The following SESN1 variants were observed in gnomAD, a reference collection of about 807,000 sequenced individuals.
SESN1 encodes the protein sestrin 1.
Under a neutral mutation model 59.3 loss-of-function variants are expected in SESN1, and 30 were observed. The ratio of observed to expected loss-of-function variants is 0.51; its 90% CI spans 0.38 to 0.69. The LOEUF (loss-of-function observed/expected upper bound fraction) is 0.69. SESN1 is among the 30% of genes least tolerant of loss of function. SESN1 has a pLI of 0.00. For synonymous variants in SESN1, 197 were observed against 219.9 expected, an observed-to-expected ratio of 0.90 and a Z score of 0.92; for missense variants, 566 against 673.0, an observed-to-expected ratio of 0.84 and a Z score of 1.76.
intron 1 of SESN1, among the ~76,000 whole-genome samples, chr6:109,086,075 T>G (rs1186566467): frequency 6.6e-6 from 1 of 152,170 alleles, no homozygotes; most frequent in African/African-American, 2.4e-5. Context: ...AATCCTGTAT[T>G]AGGCCGGGCA....
intron 5 of SESN1, among the ~76,000 whole-genome samples, chr6:108,997,318 A>G (rs1016465063): frequency 6.6e-6 from 1 of 152,202 alleles, no homozygotes; most frequent in Non-Finnish European, 1.5e-5. Flanking sequence ...AAGGAGAAGA[A>G]TCCATCTCCT....
chr6:109,004,883 C>G (rs1779701566), intron 1 of SESN1, among the ~76,000 whole-genome samples: 2 of 152,258 alleles, frequency 1.3e-5, no homozygotes, highest in South Asian at 4.1e-4. Flanking sequence ...AAAGTTTGAT[C>G]ACAGGCTGTA....
At chr6:109,066,872 G>A (rs960816420) in intron 1 of SESN1, among the ~76,000 whole-genome samples, 1 of 141,222 alleles carries the variant, frequency 7.1e-6, no homozygotes, top group East Asian at 2.0e-4. Flanking sequence ...AAGACTTACA[G>A]TACAGCAAAC....
intron 1 of SESN1, among the ~76,000 whole-genome samples, chr6:109,026,984 A>G (rs1399509691): frequency 1.3e-5 from 2 of 152,058 alleles, no homozygotes; most frequent in Admixed American, 1.3e-4. Context: ...AGCCTGGCCA[A>G]CACAGTGAAA....
At chr6:109,022,411 C>CTTTTT (rs779366759) in intron 1 of SESN1, among the ~76,000 whole-genome samples, 6 of 65,878 alleles carry the variant, frequency 9.1e-5, no homozygotes, top group Non-Finnish European at 1.1e-4. Context: ...TGTTCTAAAG[C>CTTTTT]TTTTTTTTTT....
chr6:109,013,071 G>A (rs896543968), intron 1 of SESN1, among the ~76,000 whole-genome samples: 16 of 150,782 alleles, frequency 1.1e-4, no homozygotes, highest in Non-Finnish European at 2.1e-4. Context: ...AGCCAAGATC[G>A]CACCATTGCA....
In SESN1 at chr6:109,006,455, T is replaced by A. The variant is rs1231433546; in HGVS notation, c.280-4112A>T. 1.7e-4 allele frequency among the ~76,000 whole-genome samples: 9 copies of A among 52,902 alleles called. No individual in the cohort carries two copies. The East Asian group carries it at 2.1e-3, about 12-fold the overall frequency. 34.7% of individuals were successfully genotyped at this position (52,902 alleles called of 152,430 possible). ...TAATGCTATCCCTCCCCCCACCCCCTACCCCACGACAGGCCCCGGTGTGTG... is the reference window on the plus strand; with the variant it reads ...TAATGCTATCCCTCCCCCCACCCCCAACCCCACGACAGGCCCCGGTGTGTG... On this transcript the variant is annotated intron_variant, in intron 1 of 9. Transcript: ENST00000436639.
chr6:109,006,013 C>T (rs977564325), intron 1 of SESN1, among the ~76,000 whole-genome samples: 4 of 152,246 alleles, frequency 2.6e-5, no homozygotes, highest in Admixed American at 6.5e-5. Context: ...TTTCAGTTTT[C>T]GGCTTATTTC....
In SESN1 at chr6:109,022,100, T is replaced by G. The variant is rs374144904; in HGVS notation, c.280-19757A>C. Among the ~76,000 whole-genome samples, 28 of 152,256 alleles carry G rather than the reference T, an allele frequency of 1.8e-4. 2 individuals are homozygous for G. In the East Asian group the frequency reaches 2.5e-3, roughly 14 times the overall value. On this transcript the variant is annotated intron_variant, in intron 1 of 9. Transcript: ENST00000436639. The stretch of plus-strand genomic sequence containing the variant: ...ATTTTTTGAGAACAACATCCATATC[T>G]TCTTCCTTTCTCCTTTCTTCTTTTA...
intron 1 of SESN1, among the ~76,000 whole-genome samples, chr6:109,077,479 TCAGA>T (rs1781050434): frequency 6.6e-6 from 1 of 152,196 alleles, no homozygotes; most frequent in Admixed American, 6.5e-5. Context: ...AAATGAGACT[TCAGA>T]CAAAGTGCAC....
At chr6:109,004,872 A>G (rs1045958483) in intron 1 of SESN1, among the ~76,000 whole-genome samples, 5 of 152,254 alleles carry the variant, frequency 3.3e-5, no homozygotes, top group Non-Finnish European at 5.9e-5. Context: ...CTTAAGATCA[A>G]AAAGTTTGAT....
intron 8 of SESN1, among the ~76,000 whole-genome samples, chr6:108,989,564 GATCT>G (rs1562451729): frequency 5.8e-5 from 6 of 104,148 alleles, no homozygotes; most frequent in Non-Finnish European, 1.2e-4. Flanking sequence ...TAGATCTCTA[GATCT>G]AGAGATATCT....
chr6:109,069,908 A>T (rs2114464532), intron 1 of SESN1, among the ~76,000 whole-genome samples: 1 of 152,262 alleles, frequency 6.6e-6, no homozygotes, highest in African/African-American at 2.4e-5. Context: ...CTTAAAAAAC[A>T]TAGCAATGAA....
intron 4 of SESN1, 57 bp from the exon 5 acceptor site, chr6:108,998,812 C>T (rs1779555948): frequency 1.3e-6 from 2 of 1,521,598 alleles, no homozygotes; most frequent in African/African-American, 2.8e-5. Flanking sequence ...TAAAAGTATA[C>T]AGTTCATTTT....
intron 1 of SESN1, among the ~76,000 whole-genome samples, chr6:109,046,218 C>T (rs12332903): frequency 1.4e-5 from 2 of 146,204 alleles, no homozygotes; most frequent in African/African-American, 2.5e-5. Flanking sequence ...CTCAGCCTGC[C>T]GAGTGCCTGC....
At position 109,073,065 on chromosome 6, in the gene SESN1, A is replaced by C. The variant is rs78273657; in HGVS notation, c.279+20730T>G. Among the ~76,000 whole-genome samples the C allele has an allele frequency of 5.2e-3, 793 of 152,298 alleles. 6 individuals are homozygous for C. Among genetic ancestry groups the C allele is most frequent in the African/African-American group, 0.018 (740 of 41,560 alleles). ...AGTATAGTATTGAAATTAACAAAAT[A>C]AACTCTGGAGACCAAATGTCTGAGT... On this transcript the variant is annotated intron_variant, in intron 1 of 9. Transcript: ENST00000436639.
At chr6:109,066,384 A>C (rs894582548) in intron 1 of SESN1, among the ~76,000 whole-genome samples, 4 of 149,768 alleles carry the variant, frequency 2.7e-5, no homozygotes, top group African/African-American at 9.9e-5. Context: ...GAGGGTTATT[A>C]TTTCTCTTTG....
intron 1 of SESN1, among the ~76,000 whole-genome samples, chr6:109,032,212 C>T (rs953601932): frequency 5.2e-4 from 79 of 152,116 alleles, no homozygotes; most frequent in African/African-American, 1.9e-3. Context: ...GCGGAGGTTG[C>T]GGTGAGCTGA....
intron 1 of SESN1, among the ~76,000 whole-genome samples, chr6:109,041,146 A>T (rs1780335167): frequency 1.3e-5 from 2 of 150,824 alleles, no homozygotes; most frequent in Non-Finnish European, 3.0e-5. Flanking sequence ...ATTAAAAAAA[A>T]AAAAAACAAA....
Sources: gnomAD v4.1 joint callset for allele counts (sites outside exome capture counted in the v4.1 genomes callset) on GRCh38, gnomAD v4.1.1 for gene constraint, MANE v1.5 for transcripts, NCBI Gene and HGNC (gene_info 2026-07-23, HGNC 2026-07-21) for gene names.